The following PALLD variants were observed in gnomAD, a reference collection of about 807,000 sequenced individuals.
PALLD encodes palladin, cytoskeletal associated protein, also known as palladin.
Under a neutral mutation model 123.5 loss-of-function variants are expected in PALLD, and 61 were observed. The ratio of observed to expected loss-of-function variants is 0.49; its 90% confidence interval spans 0.40 to 0.61. PALLD has a LOEUF of 0.61. Among genes scored for constraint, PALLD ranks in the 20% least tolerant of loss-of-function variants. The pLI is 0.00. For synonymous variants in PALLD, 465 were observed against 496.4 expected (o/e 0.94, Z 0.84); for missense variants, 1,273 against 1,377.0 (o/e 0.92, Z 1.20).
chr4:168,749,951 CT>C lies in PALLD; in HGVS notation c.1964+38040del, dbSNP rs796821239. On this transcript the variant is annotated intron_variant, in intron 10 of 21. Transcript: ENST00000505667. ...ATGTGTACCCAGTGCTTAGTTTCCACTTTTTTTTTTTTCAAGTTGGAGTCTC... is the reference window on the plus strand; with the variant it reads ...ATGTGTACCCAGTGCTTAGTTTCCACTTTTTTTTTTTCAAGTTGGAGTCTC... 7.1e-3 allele frequency among the ~76,000 whole-genome samples: 1,001 copies of C among 141,524 alleles called. 11 individuals carry two copies. Among genetic ancestry groups the C allele is most frequent in the African/African-American group, 0.023 (891 of 38,412 alleles). 92.8% of individuals were successfully genotyped at this position (141,524 alleles called of 152,430 possible). A position where few individuals can be genotyped will look rare whatever the true frequency, so the allele number is the denominator to read the frequency against.
intron 10 of PALLD, among the ~76,000 whole-genome samples, chr4:168,835,555 G>A (rs945395892): frequency 6.6e-6 from 1 of 152,106 alleles, no homozygotes. Flanking sequence ...AGTCTCCCAG[G>A]TGTTTAGCCC....
At chr4:168,629,459 A>T (rs1775607872) in intron 2 of PALLD, among the ~76,000 whole-genome samples, 1 of 152,176 alleles carries the variant, frequency 6.6e-6, no homozygotes, top group South Asian at 2.1e-4. Context: ...GAGTGGTAGA[A>T]AGGAGACTGT....
chr4:168,648,059 G>T (rs1041666137), intron 2 of PALLD: 5 of 152,100 alleles, frequency 3.3e-5, no homozygotes, highest in African/African-American at 1.2e-4. Flanking sequence ...GACAGCTTCT[G>T]AAGGTGATTT....
At chr4:168,837,581 G>T (rs1486398842) in intron 10 of PALLD, among the ~76,000 whole-genome samples, 1 of 152,204 alleles carries the variant, frequency 6.6e-6, no homozygotes, top group Non-Finnish European at 1.5e-5. Context: ...CTTCAAACCA[G>T]AAAATGTGCT....
At chr4:168,526,036 A>G (rs779153014) in intron 2 of PALLD, among the ~76,000 whole-genome samples, 2 of 152,200 alleles carry the variant, frequency 1.3e-5, no homozygotes, top group Non-Finnish European at 2.9e-5. Flanking sequence ...CATCCAGTGC[A>G]CTATGTAAAA....
chr4:168,717,638 A>T (rs1785491141), intron 10 of PALLD, among the ~76,000 whole-genome samples: 1 of 152,188 alleles, frequency 6.6e-6, no homozygotes. Context: ...GGTGTGAGCC[A>T]CCATGCCTGG....
At chr4:168,673,898 G>GTGTGTGTGTGTGTGTGTGTGTC (rs1561380191) in intron 3 of PALLD, among the ~76,000 whole-genome samples, 3 of 151,622 alleles carry the variant, frequency 2.0e-5, no homozygotes, top group African/African-American at 7.3e-5. Flanking sequence ...CTGTGTGTGT[G>GTGTGTGTGTGTGTGTGTGTGTC]TGTGTGTGTG....
At chr4:168,536,877 G>T (rs912181565) in intron 2 of PALLD, among the ~76,000 whole-genome samples, 2 of 151,476 alleles carry the variant, frequency 1.3e-5, no homozygotes, top group African/African-American at 2.4e-5. Flanking sequence ...TCCCAGGCTG[G>T]AGTGCAGTGG....
At chr4:168,811,117 C>A (rs28414100) in intron 10 of PALLD, among the ~76,000 whole-genome samples, 4,323 of 152,296 alleles carry the variant, frequency 0.028, 214 homozygotes, top group African/African-American at 0.099. Flanking sequence ...TACAGTGAAT[C>A]TTCCAAGGAA....
chr4:168,919,115 C>A lies in PALLD; in HGVS notation c.2851-2419C>A, dbSNP rs1430052159. Among the ~76,000 whole-genome samples the A allele has an allele frequency of 2.6e-5, 4 of 152,176 alleles. No individual in the cohort carries two copies. In the South Asian group the frequency reaches 8.3e-4, roughly 32 times the overall value. ...TTTAAGAAAGAAATAACAGTACTGTCTTTCACTGGACTGGCACATAACTGT... is the reference window on the plus strand; with the variant it reads ...TTTAAGAAAGAAATAACAGTACTGTATTTCACTGGACTGGCACATAACTGT... On this transcript the variant is annotated intron_variant, in intron 17 of 21. Coordinates refer to ENST00000505667, the MANE Select transcript of PALLD (RefSeq NM_001166108.2).
intron 10 of PALLD, among the ~76,000 whole-genome samples, chr4:168,742,638 G>C (rs1409011466): frequency 6.6e-6 from 1 of 152,114 alleles, no homozygotes; most frequent in African/African-American, 2.4e-5. Flanking sequence ...CCCAACTATG[G>C]TGAAAGAAAA....
At chr4:168,561,871 G>A (rs985886952) in intron 2 of PALLD, among the ~76,000 whole-genome samples, 11 of 151,852 alleles carry the variant, frequency 7.2e-5, no homozygotes, top group African/African-American at 1.5e-4. Flanking sequence ...AGGAATGTCC[G>A]TGGGAAAAAA....
intron 10 of PALLD, among the ~76,000 whole-genome samples, chr4:168,885,009 CCA>C (rs1194537026): frequency 1.3e-5 from 2 of 152,228 alleles, no homozygotes; most frequent in Non-Finnish European, 2.9e-5. Context: ...CTAGCCCAAA[CCA>C]CACAGCTTTT....
At chr4:168,549,762 C>T (rs1766536317) in intron 2 of PALLD, among the ~76,000 whole-genome samples, 1 of 141,188 alleles carries the variant, frequency 7.1e-6, no homozygotes, top group African/African-American at 2.6e-5. Flanking sequence ...GGCAATAGTT[C>T]AAGGAACAAG....
chr4:168,849,022 T>TA (rs1286545350), intron 10 of PALLD, among the ~76,000 whole-genome samples: 1 of 152,188 alleles, frequency 6.6e-6, no homozygotes, highest in Non-Finnish European at 1.5e-5. Flanking sequence ...TTTTTTTCGT[T>TA]AAAAAATTCG....
At chr4:168,830,067 A>G (rs1743976226) in intron 10 of PALLD, among the ~76,000 whole-genome samples, 1 of 152,034 alleles carries the variant, frequency 6.6e-6, no homozygotes, top group Non-Finnish European at 1.5e-5. Flanking sequence ...CCCCATCTCT[A>G]CAAAAACTAC....
At chr4:168,698,779 C>T (rs950545271) in intron 8 of PALLD, among the ~76,000 whole-genome samples, 1 of 152,110 alleles carries the variant, frequency 6.6e-6, no homozygotes, top group Non-Finnish European at 1.5e-5. Context: ...TTTCTTTAGT[C>T]AGCCAAGATT....
intron 10 of PALLD, among the ~76,000 whole-genome samples, chr4:168,739,977 G>A (rs1353280570): frequency 6.6e-6 from 1 of 152,068 alleles, no homozygotes; most frequent in African/African-American, 2.4e-5. Context: ...AACAGCCCCT[G>A]GTTTGAAAGT....
chr4:168,512,405 C>A lies in PALLD; in HGVS notation c.901C>A (p.Arg301=). The A allele has an allele frequency of 2.5e-6, 4 of 1,612,722 alleles. No homozygotes were observed. Among genetic ancestry groups the A allele is most frequent in the Non-Finnish European group, 3.4e-6 (4 of 1,179,478 alleles). Residue 301 remains arginine, a synonymous_variant, in exon 2 of 22, where the codon CGA becomes AGA. Transcript: ENST00000505667. ...TAGAGTCACTGGAAACCCCACTCCT[C>A]GAGTCAGGTATGAATTTTTGTATTA... is the stretch of plus-strand genomic sequence containing the variant. ...ECRVTGNPTP[R]VRWFCEGKEL... is the part of the protein sequence containing the mutation.
Sources: allele counts gnomAD v4.1 joint callset (sites outside exome capture counted in the v4.1 genomes callset), GRCh38; gene constraint gnomAD v4.1.1; transcripts MANE v1.5; gene names NCBI Gene and HGNC (gene_info 2026-07-23, HGNC 2026-07-21).